Variants in CTR9 observed in about 807,000 individuals in gnomAD.
CTR9 encodes RNA polymerase-associated protein CTR9 homolog.
A neutral mutation model predicts 152.1 loss-of-function variants in CTR9; 41 were observed. The observed-to-expected ratio is 0.27, with a 90% confidence interval of 0.21 to 0.35. The LOEUF is 0.35. Among genes scored for constraint, CTR9 ranks in the 10% least tolerant of loss-of-function variants. The pLI, the probability that CTR9 is intolerant of heterozygous loss-of-function variation, is 1.00. For missense variants in CTR9, 917 were observed against 1,424.4 expected (o/e 0.64, Z 5.73); for synonymous variants, 476 against 496.2 (o/e 0.96, Z 0.54).
chr11:10,763,817 A>G lies in CTR9; in HGVS notation c.1132A>G (p.Met378Val), dbSNP rs1863015119. The change falls in exon 9 of 25, where the codon ATG (methionine) becomes GTG (valine). Residue 378 changes from methionine to valine, a missense_variant. Met to Val is a conservative substitution (Grantham distance 21). Transcript: ENST00000361367. The part of the protein sequence containing the change: ...LKAYPNNYET[M>V]KILGSLYAAS... Reference sequence around the variant, plus strand: ...AGCTTATCCTAATAATTACGAAACTATGAAAATTCTCGGCTCTCTCTATGC... The same window carrying G: ...AGCTTATCCTAATAATTACGAAACTGTGAAAATTCTCGGCTCTCTCTATGC... The G allele has an allele frequency of 1.2e-6, 2 of 1,613,958 alleles. No homozygotes were observed. Among genetic ancestry groups the G allele is most frequent in the Non-Finnish European group, 1.7e-6 (2 of 1,179,990 alleles).
chr11:10,775,479 T>G (rs763851380), intron 23 of CTR9, 42 bp from the exon 24 acceptor site: 5 of 1,529,696 alleles, frequency 3.3e-6, no homozygotes, highest in East Asian at 2.3e-5. Context: ...GATGGCCTAA[T>G]GTAAGAGTCT....
At chr11:10,765,055 A>G (rs987159132) in intron 12 of CTR9, among the ~76,000 whole-genome samples, 1 of 152,242 alleles carries the variant, frequency 6.6e-6, no homozygotes, top group African/African-American at 2.4e-5. Flanking sequence ...CTTTGATTTC[A>G]TATGAACATT....
At chr11:10,773,945 A>G (rs1055209012) in intron 21 of CTR9, 67 bp from the exon 22 acceptor site, 1 of 1,105,012 alleles carries the variant, frequency 9.0e-7, no homozygotes, top group Non-Finnish European at 1.3e-6. Flanking sequence ...CCCTTTCTGT[A>G]CCTTAGCATT....
rs548952399 is a variant in CTR9 at position 10,753,691 on chromosome 11, T to TTA, written c.144+935_144+936dup. Among the ~76,000 whole-genome samples, 439 of 147,440 alleles carry TTA rather than the reference T, an allele frequency of 3.0e-3. 2 individuals carry two copies. The highest frequency in any genetic ancestry group is 6.4e-3 in the East Asian group (33 of 5,118). On this transcript the variant is annotated intron_variant, in intron 2 of 24. Coordinates refer to ENST00000361367, the MANE Select transcript of CTR9 (RefSeq NM_014633.5). ...AATTTAGATGTATATATAATATATATTATATATATATATATTTTTAAGTAC... is the reference window on the plus strand; with the variant it reads ...AATTTAGATGTATATATAATATATATTATATATATATATATATTTTTAAGTAC...
rs774358256 is a variant in CTR9 at position 10,763,914 on chromosome 11, G to A, written c.1194+35G>A. The A allele has an allele frequency of 3.3e-6, 5 of 1,511,540 alleles. No individual in the cohort carries two copies. The Admixed American group carries it at 6.0e-5, about 18-fold the overall frequency. The allele number at this position is 1,511,540 out of a possible 1,614,324, so 93.6% of individuals were successfully genotyped here. A position where few individuals can be genotyped will look rare whatever the true frequency, so the allele number is the denominator to read the frequency against. The stretch of plus-strand genomic sequence containing the variant: ...TTTTTTAAAGTCTTAGCTGTTTTCT[G>A]TTAGCTGTCCCAAAACTCCCATTTC... On this transcript the variant is annotated intron_variant, in intron 9 of 24. Transcript: ENST00000361367.
Position 10,770,191 on chromosome 11 carries a change from C to G in CTR9, c.2110-19C>G. ...TTATTCTTTGTTGTGTTTTAATTAACTTTTTTCTTTTACTGTAGTATGAAA... is the reference window on the plus strand; with the variant it reads ...TTATTCTTTGTTGTGTTTTAATTAAGTTTTTTCTTTTACTGTAGTATGAAA... On this transcript the variant is annotated intron_variant, in intron 16 of 24. Coordinates refer to ENST00000361367, the MANE Select transcript of CTR9 (RefSeq NM_014633.5). 6.6e-7 allele frequency: 1 copy of G among 1,526,618 alleles called. No homozygotes were observed. The highest frequency in any genetic ancestry group is 1.4e-5 in the African/African-American group (1 of 71,802). 94.6% of individuals were successfully genotyped at this position (1,526,618 alleles called of 1,614,324 possible).
chr11:10,770,704 G>A (rs1236326562), intron 18 of CTR9, 72 bp downstream of exon 18: 1 of 1,369,840 alleles, frequency 7.3e-7, no homozygotes, highest in African/African-American at 1.4e-5. Context: ...GAACTCTCCC[G>A]ATTTTGTCTG....
In CTR9 at chr11:10,779,137, A is replaced by G. The variant is rs1308862719; in HGVS notation, c.*32A>G. 3 of 1,542,958 alleles carry G rather than the reference A, an allele frequency of 1.9e-6. No individual in the cohort carries two copies. Among genetic ancestry groups the G allele is most frequent in the East Asian group, 2.3e-5 (1 of 44,010 alleles). ...TTTCATCAATAAGCTTCATCTCTGG[A>G]GGAAACTTTTTTAATATATGAAAGC... is the stretch of plus-strand genomic sequence containing the variant. On this transcript the variant is annotated 3_prime_UTR_variant, in exon 25 of 25. Coordinates refer to ENST00000361367, the MANE Select transcript of CTR9 (RefSeq NM_014633.5).
chr11:10,767,814 A>G lies in CTR9; in HGVS notation c.1695A>G (p.Pro565=), dbSNP rs1354663627. 1 of 1,613,946 alleles carries G rather than the reference A, an allele frequency of 6.2e-7. No homozygotes were observed. The highest frequency in any genetic ancestry group is 8.5e-7 in the Non-Finnish European group (1 of 1,179,968). The change falls in exon 14 of 25, where the codon CCA becomes CCG. Residue 565 remains proline, a synonymous_variant. Transcript: ENST00000361367. This position sits in a 1 kb window ranked among gnomAD's most constrained non-coding sequence, Gnocchi z 4.0. ...KEALQINQDH[P]DAWSLIGNLH... is the part of the protein sequence containing the mutation. ...ATGTATGTATGTTTCAGGATCATCC[A>G]GATGCTTGGTCTTTGATTGGCAATC...
chr11:10,775,698 A>G, intron 24 of CTR9, 65 bp downstream of exon 24: 1 of 1,071,032 alleles, frequency 9.3e-7, no homozygotes, highest in Non-Finnish European at 1.4e-6. Context: ...ATTACTAATC[A>G]GCCTGTCTGT....
At chr11:10,752,314 G>T (rs1397466890) in intron 1 of CTR9, among the ~76,000 whole-genome samples, 1 of 152,142 alleles carries the variant, frequency 6.6e-6, no homozygotes, top group African/African-American at 2.4e-5. Context: ...GCATCTCAAG[G>T]AGTCAGACCT....
At position 10,768,059 on chromosome 11, in the gene CTR9, C is replaced by G; in HGVS notation, c.1873-15C>G. On this transcript the variant is annotated splice_polypyrimidine_tract_variant and intron_variant, in intron 14 of 24. Transcript: ENST00000361367. The stretch of plus-strand genomic sequence containing the variant: ...TTCTCGTTTGAATCTTTTTTAAGAG[C>G]ACTTGTTTCTATAGGAAAAGCGTCA... 6.2e-7 allele frequency: 1 copy of G among 1,613,690 alleles called. No homozygotes were observed. The highest frequency in any genetic ancestry group is 8.5e-7 in the Non-Finnish European group (1 of 1,179,724).
intron 16 of CTR9, among the ~76,000 whole-genome samples, 174 bp from the exon 17 acceptor site, chr11:10,770,036 A>G (rs1331986731): frequency 6.6e-6 from 1 of 152,234 alleles, no homozygotes; most frequent in Non-Finnish European, 1.5e-5. Flanking sequence ...ATGTTGTGAA[A>G]ATGTATCCTG....
chr11:10,770,354 C>T, intron 17 of CTR9, 28 bp downstream of exon 17: 1 of 1,595,586 alleles, frequency 6.3e-7, no homozygotes, highest in Non-Finnish European at 8.6e-7. Flanking sequence ...TATTCCCATC[C>T]ATTTCTGTGC....
intron 4 of CTR9, 106 bp from the exon 5 acceptor site, chr11:10,756,643 G>C: frequency 1.4e-6 from 1 of 700,148 alleles, no homozygotes; most frequent in South Asian, 2.5e-5. Context: ...GTGTTTTCAA[G>C]TATTTCTCAC....
At chr11:10,766,519 AAAT>A in intron 13 of CTR9, 29 bp downstream of exon 13, 19 of 1,455,356 alleles carry the variant, frequency 1.3e-5, no homozygotes, top group Non-Finnish European at 1.8e-5. Context: ...TAGGTTTGAG[AAAT>A]AATTATTTTC....
intron 12 of CTR9, among the ~76,000 whole-genome samples, chr11:10,766,036 C>T (rs1276497675): frequency 2.6e-5 from 4 of 152,018 alleles, no homozygotes; most frequent in Non-Finnish European, 4.4e-5. Flanking sequence ...ACTGTTTTGC[C>T]GTATTACAAG....
In CTR9 at chr11:10,772,550, G is replaced by A. The variant is rs1863160565; in HGVS notation, c.2475G>A (p.Gln825=). The change falls in exon 20 of 25, where the codon CAG becomes CAA. Residue 825 remains glutamine (Q), a synonymous_variant. Transcript: ENST00000361367. The part of the protein sequence containing the change: ...RQCSDLLSQA[Q]YHVARARKQD... ...GTTCTGACTTACTGAGCCAGGCCCAGTACCATGTGGCCCGGGCACGCAAAC... is the reference window on the plus strand; with the variant it reads ...GTTCTGACTTACTGAGCCAGGCCCAATACCATGTGGCCCGGGCACGCAAAC... 2 of 1,607,276 alleles carry A rather than the reference G, an allele frequency of 1.2e-6. No homozygotes were observed. Among genetic ancestry groups the A allele is most frequent in the Non-Finnish European group, 8.5e-7 (1 of 1,176,984 alleles).
Position 10,760,246 on chromosome 11 carries a change from C to A in CTR9, c.666C>A (p.Ser222Arg). ...NKLEKARLAF[S>R]RALELNSKCV... is the part of the protein sequence containing the mutation. ...TGGAAAAAGCTCGTCTGGCATTCAG[C>A]AGAGCCCTGGAACTCAATTCCAAAT... Residue 222 changes from serine (S) to arginine (R), a missense_variant, in exon 6 of 25, where the codon AGC becomes AGA. Coordinates refer to ENST00000361367, the MANE Select transcript of CTR9 (RefSeq NM_014633.5). The A allele has an allele frequency of 6.2e-7, 1 of 1,614,090 alleles. No homozygotes were observed. The highest frequency in any genetic ancestry group is 1.7e-5 in the Admixed American group (1 of 60,020).
Sources: allele counts gnomAD v4.1 joint callset (sites outside exome capture counted in the v4.1 genomes callset), GRCh38; gene constraint gnomAD v4.1.1; non-coding constraint Gnocchi (gnomAD v3.1); transcripts MANE v1.5; gene names NCBI Gene and HGNC (gene_info 2026-07-23, HGNC 2026-07-21).